Variants in SEL1L3 observed in about 807,000 individuals in gnomAD.
SEL1L3 encodes SEL1L family member 3, also known as protein sel-1 homolog 3.
A neutral mutation model predicts 142.8 loss-of-function variants in SEL1L3; 76 were observed. That is an observed-to-expected ratio of 0.53 (90% CI 0.44 to 0.64). The LOEUF is 0.64. SEL1L3 is among the 30% of genes least tolerant of loss of function. SEL1L3 has a pLI of 0.00. For missense variants in SEL1L3, 1,262 were observed against 1,381.7 expected, an observed-to-expected ratio of 0.91 and a Z score of 1.37; for synonymous variants, 504 against 519.6, an observed-to-expected ratio of 0.97 and a Z score of 0.41.
At chr4:25,774,095 A>G (rs984738639) in intron 17 of SEL1L3, among the ~76,000 whole-genome samples, 15 of 152,234 alleles carry the variant, frequency 9.9e-5, no homozygotes, top group African/African-American at 3.6e-4. Flanking sequence ...GAACTGGGAT[A>G]GAAGTTATCA....
intron 1 of SEL1L3, chr4:25,861,908 A>T (rs1717733904): frequency 6.6e-6 from 1 of 152,302 alleles, no homozygotes; most frequent in Admixed American, 6.5e-5. Context: ...CTGGTATTTA[A>T]AATAAATGGG....
chr4:25,773,877 T>G (rs1385948086), intron 17 of SEL1L3, among the ~76,000 whole-genome samples: 1 of 152,104 alleles, frequency 6.6e-6, no homozygotes, highest in Non-Finnish European at 1.5e-5. Context: ...AAGTGGAAAT[T>G]CCACCCATCC....
At position 25,820,413 on chromosome 4, in the gene SEL1L3, G is replaced by A. The variant is rs145667806; in HGVS notation, c.1291-473C>T. On this transcript the variant is annotated intron_variant, in intron 7 of 23. Transcript: ENST00000399878. Reference sequence around the variant, plus strand: ...GCTCACCCCATCTCACTTACGGGCCGATGTATCCGTTCCTGCCTCAGCACT... The same window carrying A: ...GCTCACCCCATCTCACTTACGGGCCAATGTATCCGTTCCTGCCTCAGCACT... Among the ~76,000 whole-genome samples the A allele has an allele frequency of 4.4e-3, 668 of 152,340 alleles. 3 individuals are homozygous for A. Among genetic ancestry groups the A allele is most frequent in the African/African-American group, 0.016 (649 of 41,578 alleles).
At chr4:25,781,553 G>A (rs566294232) in intron 15 of SEL1L3, among the ~76,000 whole-genome samples, 5 of 152,230 alleles carry the variant, frequency 3.3e-5, no homozygotes, top group South Asian at 4.1e-4. Context: ...CATGAGAATC[G>A]TTTTTATTTT....
intron 20 of SEL1L3, among the ~76,000 whole-genome samples, chr4:25,763,454 C>T (rs1394081711): frequency 6.6e-6 from 1 of 152,122 alleles, no homozygotes; most frequent in African/African-American, 2.4e-5. Flanking sequence ...TTTAGTGACT[C>T]GCCATGAACA....
intron 1 of SEL1L3, among the ~76,000 whole-genome samples, chr4:25,858,768 T>A (rs1717449164): frequency 6.6e-6 from 1 of 152,092 alleles, no homozygotes. Flanking sequence ...GTATTATTAG[T>A]AGAGATGGGG....
At chr4:25,803,932 C>T (rs1713371885) in intron 10 of SEL1L3, among the ~76,000 whole-genome samples, 1 of 151,990 alleles carries the variant, frequency 6.6e-6, no homozygotes, top group Non-Finnish European at 1.5e-5. Flanking sequence ...GACTGTGGGA[C>T]CTCTCAGCCT....
chr4:25,745,492 G>A (rs1389646067), downstream of SEL1L3, among the ~76,000 whole-genome samples: 2 of 152,272 alleles, frequency 1.3e-5, no homozygotes, highest in East Asian at 1.9e-4. Flanking sequence ...GAGCTGGGAT[G>A]CCCTGCCGTT....
At chr4:25,797,636 G>A (rs957580646) in intron 11 of SEL1L3, among the ~76,000 whole-genome samples, 12 of 152,150 alleles carry the variant, frequency 7.9e-5, no homozygotes, top group African/African-American at 1.9e-4. Context: ...CATCAAGAAC[G>A]AAACACGGGT....
At chr4:25,737,537 C>T in the SEL1L3 span, among the ~76,000 whole-genome samples, 5 of 152,194 alleles carry the variant, frequency 3.3e-5, no homozygotes, top group South Asian at 1.0e-3. Context: ...CTCATCTAAC[C>T]CTAGGCCTCT....
At chr4:25,834,925 C>G in intron 3 of SEL1L3, among the ~76,000 whole-genome samples, 1 of 152,184 alleles carries the variant, frequency 6.6e-6, no homozygotes, top group East Asian at 1.9e-4. Flanking sequence ...TGAGACCTTG[C>G]AGGGCCTCAG....
intron 9 of SEL1L3, among the ~76,000 whole-genome samples, chr4:25,806,762 G>A (rs1713604913): frequency 6.6e-6 from 1 of 152,090 alleles, no homozygotes; most frequent in African/African-American, 2.4e-5. Context: ...ACCTGGCACA[G>A]GAGGTGCTGA....
chr4:25,825,047 T>A (rs1207574113), intron 6 of SEL1L3, among the ~76,000 whole-genome samples: 1 of 152,206 alleles, frequency 6.6e-6, no homozygotes, highest in Non-Finnish European at 1.5e-5. Context: ...GAAGGCCCTC[T>A]CTAGAAAGAT....
In SEL1L3 at chr4:25,759,000, C is replaced by T; in HGVS notation, c.3024G>A (p.Leu1008=). Residue 1008 remains leucine, a synonymous_variant, in exon 21 of 24, where the codon TTG becomes TTA. Transcript: ENST00000399878. The part of the protein sequence containing the change: ...TIIPHHILDF[L]EIDSTLHSNN... ...TAGAATGGAGAGTTGAGTCAATTTC[C>T]AAGAAATCCAAGATATGGTGTGGGA... 6.2e-7 allele frequency: 1 copy of T among 1,613,686 alleles called. No individual in the cohort carries two copies. The highest frequency in any genetic ancestry group is 8.5e-7 in the Non-Finnish European group (1 of 1,179,746).
chr4:25,816,816 A>C, intron 9 of SEL1L3, among the ~76,000 whole-genome samples: 1 of 151,702 alleles, frequency 6.6e-6, no homozygotes, highest in South Asian at 2.1e-4. Context: ...TGCTGTTACC[A>C]CCTCTCAGGG....
At chr4:25,757,406 G>A (rs1417796688) in intron 23 of SEL1L3, 128 bp downstream of exon 23, 2 of 703,580 alleles carry the variant, frequency 2.8e-6, no homozygotes, top group Non-Finnish European at 4.5e-6. Flanking sequence ...AGGGATAGGA[G>A]ATAGCATGAC....
chr4:25,765,303 T>G, intron 20 of SEL1L3, 23 bp downstream of exon 20: 1 of 1,527,750 alleles, frequency 6.5e-7, no homozygotes, highest in Non-Finnish European at 9.1e-7. Context: ...CAAGAGCTGG[T>G]TTTTGTTGCG....
chr4:25,843,122 G>GGT (rs1439808771), intron 2 of SEL1L3, among the ~76,000 whole-genome samples: 1 of 152,168 alleles, frequency 6.6e-6, no homozygotes, highest in African/African-American at 2.4e-5. Flanking sequence ...AGTGGGGAAG[G>GGT]GTGTGCGTGG....
At chr4:25,728,146 G>C in the SEL1L3 span, among the ~76,000 whole-genome samples, 4 of 152,128 alleles carry the variant, frequency 2.6e-5, no homozygotes, top group Non-Finnish European at 5.9e-5. Flanking sequence ...GTGTTTCTAA[G>C]GCCCCAGGTT....
Sources: gnomAD v4.1 joint callset for allele counts (sites outside exome capture counted in the v4.1 genomes callset) on GRCh38, gnomAD v4.1.1 for gene constraint, MANE v1.5 for transcripts, NCBI Gene and HGNC (gene_info 2026-07-23, HGNC 2026-07-21) for gene names.